Variants in GRM8 observed in about 807,000 individuals in gnomAD.
The protein encoded by GRM8 is metabotropic glutamate receptor 8.
GRM8 carries 47 observed loss-of-function variants against 87.2 expected under a neutral mutation model. That is an observed-to-expected ratio of 0.54 (90% CI 0.43 to 0.69). GRM8 has a LOEUF of 0.69. Ranked by LOEUF, GRM8 falls within the 30% of genes least tolerant of loss-of-function variation. GRM8 has a pLI of 0.00. For missense variants in GRM8, 1,019 were observed against 1,139.2 expected (o/e 0.89, Z 1.52); for synonymous variants, 396 against 404.5 (o/e 0.98, Z 0.25).
At chr7:126,838,744 AT>A (rs1348663827) in intron 6 of GRM8, among the ~76,000 whole-genome samples, 1 of 152,176 alleles carries the variant, frequency 6.6e-6, no homozygotes, top group Non-Finnish European at 1.5e-5. Context: ...TCTCTCCTGA[AT>A]TTGCCATTTA....
At chr7:126,687,701 A>C (rs948112643) in intron 7 of GRM8, among the ~76,000 whole-genome samples, 1 of 151,204 alleles carries the variant, frequency 6.6e-6, no homozygotes, top group African/African-American at 2.4e-5. Flanking sequence ...AGGACACTAC[A>C]TGCCTCACAA....
intron 9 of GRM8, among the ~76,000 whole-genome samples, chr7:126,523,585 TC>T (rs1468395341): frequency 6.6e-6 from 1 of 151,434 alleles, no homozygotes; most frequent in Admixed American, 6.6e-5. Flanking sequence ...GCAGCCTCCA[TC>T]TCCCAGGTTC....
At chr7:127,014,820 T>C (rs1815238683) in intron 3 of GRM8, among the ~76,000 whole-genome samples, 1 of 151,542 alleles carries the variant, frequency 6.6e-6, no homozygotes, top group African/African-American at 2.4e-5. Context: ...AGTGTCAACT[T>C]CAACTTAAGT....
At chr7:126,699,955 A>G (rs756511630) in intron 7 of GRM8, among the ~76,000 whole-genome samples, 11 of 152,200 alleles carry the variant, frequency 7.2e-5, no homozygotes, top group African/African-American at 1.9e-4. Flanking sequence ...TCCAGTCACT[A>G]TAACATCTGT....
intron 6 of GRM8, among the ~76,000 whole-genome samples, chr7:126,789,874 GAAC>G (rs1264063342): frequency 1.3e-5 from 2 of 152,156 alleles, no homozygotes; most frequent in African/African-American, 4.8e-5. Context: ...TGGAAAAGGA[GAAC>G]AACAAAGACT....
intron 7 of GRM8, among the ~76,000 whole-genome samples, chr7:126,618,830 T>C (rs1431971065): frequency 1.3e-5 from 2 of 152,164 alleles, no homozygotes; most frequent in Non-Finnish European, 2.9e-5. Flanking sequence ...TGAGATACCA[T>C]CTGACACCAG....
At chr7:126,691,197 G>C (rs1472390947) in intron 7 of GRM8, among the ~76,000 whole-genome samples, 1 of 152,224 alleles carries the variant, frequency 6.6e-6, no homozygotes, top group Non-Finnish European at 1.5e-5. Flanking sequence ...ATGCTGGTCA[G>C]TGCCCAAAGT....
At chr7:126,715,425 G>A (rs959970694) in intron 7 of GRM8, among the ~76,000 whole-genome samples, 5 of 152,182 alleles carry the variant, frequency 3.3e-5, no homozygotes, top group South Asian at 2.1e-4. Context: ...AACTGTAAAC[G>A]GCACCATGTA....
intron 9 of GRM8, among the ~76,000 whole-genome samples, chr7:126,497,879 A>G (rs958250409): frequency 6.6e-6 from 1 of 151,990 alleles, no homozygotes; most frequent in Non-Finnish European, 1.5e-5. Context: ...ACAAGCATTA[A>G]AGGGCATTTG....
At chr7:126,688,642 G>A (rs1001133528) in intron 7 of GRM8, among the ~76,000 whole-genome samples, 2 of 151,998 alleles carry the variant, frequency 1.3e-5, no homozygotes, top group Non-Finnish European at 2.9e-5. Flanking sequence ...AGTTTGGCAA[G>A]TATTATAGGA....
At chr7:127,245,720 A>T (rs1183311028) in intron 1 of GRM8, among the ~76,000 whole-genome samples, 2 of 152,240 alleles carry the variant, frequency 1.3e-5, no homozygotes, top group East Asian at 3.8e-4. Flanking sequence ...GGCTGAATGC[A>T]CTGAAATGGA....
At chr7:126,910,747 T>A (rs1480356446) in intron 3 of GRM8, among the ~76,000 whole-genome samples, 1 of 152,156 alleles carries the variant, frequency 6.6e-6, no homozygotes, top group Non-Finnish European at 1.5e-5. Flanking sequence ...ACAATGCCAT[T>A]TCAGAATTTT....
At chr7:126,482,339 A>G (rs188818860) in intron 9 of GRM8, among the ~76,000 whole-genome samples, 4 of 152,162 alleles carry the variant, frequency 2.6e-5, no homozygotes, top group South Asian at 2.1e-4. Context: ...TCTTGAGGAT[A>G]TATTTGTATG....
chr7:126,778,160 A>G (rs1418721545), intron 6 of GRM8, among the ~76,000 whole-genome samples: 1 of 152,196 alleles, frequency 6.6e-6, no homozygotes, highest in African/African-American at 2.4e-5. Context: ...AGAGAAAATT[A>G]GAAGACAAGG....
chr7:127,250,382 T>C (rs564653270), intron 1 of GRM8, among the ~76,000 whole-genome samples: 1 of 152,338 alleles, frequency 6.6e-6, no homozygotes, highest in African/African-American at 2.4e-5. Context: ...CAGAACTAGC[T>C]AGCACAATCC....
intron 3 of GRM8, among the ~76,000 whole-genome samples, chr7:127,079,035 G>C (rs1822575887): frequency 6.6e-6 from 1 of 152,112 alleles, no homozygotes; most frequent in South Asian, 2.1e-4. Flanking sequence ...GTTACATCAA[G>C]CCATCCAACC....
intron 3 of GRM8, among the ~76,000 whole-genome samples, chr7:126,938,213 CATGGGCCAGA>C (rs1203210011): frequency 6.6e-6 from 1 of 152,130 alleles, no homozygotes; most frequent in Non-Finnish European, 1.5e-5. Flanking sequence ...TCCCCCTTCC[CATGGGCCAGA>C]ATGCAGATGT....
At chr7:126,765,053 A>T (rs1306953845) in intron 7 of GRM8, among the ~76,000 whole-genome samples, 1 of 152,050 alleles carries the variant, frequency 6.6e-6, no homozygotes, top group Non-Finnish European at 1.5e-5. Flanking sequence ...ATAATCTGGA[A>T]CAGATCTGAC....
chr7:127,202,898 A>G (rs1241731190), intron 2 of GRM8, among the ~76,000 whole-genome samples: 1 of 152,192 alleles, frequency 6.6e-6, no homozygotes, highest in African/African-American at 2.4e-5. Flanking sequence ...AGTAGGTAGG[A>G]TCAAGAATCC....
Sources: gnomAD v4.1 joint callset for allele counts (sites outside exome capture counted in the v4.1 genomes callset) on GRCh38, gnomAD v4.1.1 for gene constraint, MANE v1.5 for transcripts, NCBI Gene and HGNC (gene_info 2026-07-23, HGNC 2026-07-21) for gene names.